PIK3C3: variants seen among roughly 807,000 people sequenced by gnomAD.
The protein encoded by PIK3C3 is phosphatidylinositol 3-kinase catalytic subunit type 3.
Under a neutral mutation model 126.1 loss-of-function variants are expected in PIK3C3, and 95 were observed. The ratio of observed to expected loss-of-function variants is 0.75; its 90% CI spans 0.64 to 0.89. PIK3C3 has a LOEUF of 0.89. Ranked by LOEUF, PIK3C3 falls within the 40% of genes least tolerant of loss-of-function variation. The pLI is 0.00. For synonymous variants in PIK3C3, 374 were observed against 360.0 expected (o/e 1.04, Z -0.44); for missense variants, 829 against 1,063.2 (o/e 0.78, Z 3.06).
rs141481378 is a variant in PIK3C3, at chr18:41,970,403, C to T, written c.478C>T (p.Pro160Ser). Reference sequence around the variant, plus strand: ...AGATGGATCAGAACCCACAAAAACTCCTGGCAGAACAAGTAGCACTCTCTC... The same window carrying T: ...AGATGGATCAGAACCCACAAAAACTTCTGGCAGAACAAGTAGCACTCTCTC... ...EADGSEPTKT[P>S]GRTSSTLSED... Residue 160 changes from proline to serine, a missense_variant, in exon 4 of 25, where the codon CCT (proline) becomes TCT (serine). By Grantham distance (74) the Pro-to-Ser change is moderately conservative (BLOSUM62 -1). This residue lies in a region of PIK3C3 where 313 missense variants were observed against 340.7 expected (regional missense o/e 0.92). Coordinates refer to ENST00000262039, the MANE Select transcript of PIK3C3 (RefSeq NM_002647.4). 1.9e-6 allele frequency: 3 copies of T among 1,613,720 alleles called. No individual in the cohort carries two copies. In the African/African-American group the frequency reaches 4.0e-5, roughly 22 times the overall value.
intron 16 of PIK3C3, 54 bp downstream of exon 16, chr18:42,034,011 A>G: frequency 2.3e-6 from 3 of 1,277,318 alleles, no homozygotes; most frequent in Non-Finnish European, 3.2e-6. Flanking sequence ...CTTAAGCTAG[A>G]TCAGAGATAC....
chr18:42,044,608 G>A (rs1301586667), intron 20 of PIK3C3, among the ~76,000 whole-genome samples: 6 of 152,052 alleles, frequency 3.9e-5, no homozygotes, highest in Non-Finnish European at 8.8e-5. Flanking sequence ...TGTAGAAACA[G>A]GGTTATGGCA....
chr18:42,066,418 A>G (rs903485809), intron 23 of PIK3C3, among the ~76,000 whole-genome samples: 1 of 151,784 alleles, frequency 6.6e-6, no homozygotes, highest in Non-Finnish European at 1.5e-5. Flanking sequence ...TGGAATCCCC[A>G]TTTTCTCCTA....
At chr18:42,009,553 A>C (rs1262457457) in intron 10 of PIK3C3, among the ~76,000 whole-genome samples, 1 of 152,124 alleles carries the variant, frequency 6.6e-6, no homozygotes, top group Non-Finnish European at 1.5e-5. Flanking sequence ...CTGTATGTTT[A>C]TATAGTAAAT....
chr18:42,085,657 T>G lies in PIK3C3; in HGVS notation c.*4520T>G, dbSNP rs1986383601. ...GGTCTAATTTTACCAAATAACCCCC[T>G]AAATAAGAAGTCTGATTTATCTAAA... On this transcript the variant is annotated 3_prime_UTR_variant, in exon 25 of 25. Coordinates refer to ENST00000262039, the MANE Select transcript of PIK3C3 (RefSeq NM_002647.4). 1 of 152,190 alleles carries G rather than the reference T, an allele frequency of 6.6e-6. No individual in the cohort carries two copies. Among genetic ancestry groups the G allele is most frequent in the Non-Finnish European group, 1.5e-5 (1 of 68,014 alleles). The allele number at this position is 152,190 out of a possible 1,614,324, so 9.4% of individuals were successfully genotyped here.
At chr18:42,062,269 C>T (rs1253452828) in intron 22 of PIK3C3, among the ~76,000 whole-genome samples, 19 of 147,826 alleles carry the variant, frequency 1.3e-4, no homozygotes, top group Admixed American at 4.1e-4. Context: ...TATGTAACAG[C>T]GGATTGTACG....
intron 19 of PIK3C3, 62 bp downstream of exon 19, chr18:42,040,803 T>G: frequency 9.1e-7 from 1 of 1,095,664 alleles, no homozygotes; most frequent in Non-Finnish European, 1.4e-6. Flanking sequence ...AAATTCAGTC[T>G]TTATAACATA....
chr18:41,987,508 CT>C (rs1430248958), intron 4 of PIK3C3, among the ~76,000 whole-genome samples: 1 of 152,000 alleles, frequency 6.6e-6, no homozygotes, highest in African/African-American at 2.4e-5. Flanking sequence ...ATAATTTCAT[CT>C]CTTTGTAATA....
At chr18:41,976,756 A>G (rs1470691921) in intron 4 of PIK3C3, among the ~76,000 whole-genome samples, 1 of 152,224 alleles carries the variant, frequency 6.6e-6, no homozygotes, top group African/African-American at 2.4e-5. Flanking sequence ...TGTTGTTATT[A>G]CTTTTTTTAC....
At chr18:41,955,508 G>C in intron 1 of PIK3C3, 149 bp downstream of exon 1, 2 of 643,012 alleles carry the variant, frequency 3.1e-6, no homozygotes, top group Admixed American at 2.8e-5. Flanking sequence ...AGGGAGGCGC[G>C]AGAGAGTGGA....
In PIK3C3 at chr18:42,029,295, A is replaced by G. The variant is rs746197661; in HGVS notation, c.1591-30A>G. ...AATCCAGATCATTACGCAACATAGAACTAATTTTTTCTCACTTTGAACCCT... is the reference window on the plus strand; with the variant it reads ...AATCCAGATCATTACGCAACATAGAGCTAATTTTTTCTCACTTTGAACCCT... On this transcript the variant is annotated intron_variant, in intron 14 of 24. Coordinates refer to ENST00000262039, the MANE Select transcript of PIK3C3 (RefSeq NM_002647.4). 8 of 1,343,188 alleles carry G rather than the reference A, an allele frequency of 6.0e-6. No homozygotes were observed. In the Admixed American group the frequency reaches 1.0e-4, roughly 17 times the overall value. 83.2% of individuals were successfully genotyped at this position (1,343,188 alleles called of 1,614,324 possible). A position where few individuals can be genotyped will look rare whatever the true frequency, so the allele number is the denominator to read the frequency against.
chr18:41,993,413 C>A, intron 7 of PIK3C3, 72 bp downstream of exon 7: 2 of 974,136 alleles, frequency 2.1e-6, no homozygotes, highest in Non-Finnish European at 3.2e-6. Flanking sequence ...ACATCATGTA[C>A]TTTCTTTAAA....
intron 9 of PIK3C3, among the ~76,000 whole-genome samples, chr18:42,000,199 G>A (rs1266387398): frequency 2.6e-5 from 4 of 152,126 alleles, no homozygotes; most frequent in East Asian, 1.9e-4. Flanking sequence ...GATTGCAGGC[G>A]TGCACCACCA....
intron 17 of PIK3C3, 71 bp from the exon 18 acceptor site, chr18:42,038,710 C>T (rs565130079): frequency 3.3e-6 from 3 of 911,086 alleles, no homozygotes; most frequent in Non-Finnish European, 5.3e-6. Flanking sequence ...AACTGCTATA[C>T]TATTTGCCCA....
intron 3 of PIK3C3, 93 bp from the exon 4 acceptor site, chr18:41,970,234 T>A (rs944220375): frequency 2.9e-6 from 3 of 1,037,150 alleles, no homozygotes; most frequent in African/African-American, 3.2e-5. Flanking sequence ...TACATTTCCA[T>A]GTATAGAATT....
Position 42,076,160 on chromosome 18 carries a change from A to G in PIK3C3, c.2650-4963A>G, listed in dbSNP as rs868123181. On this transcript the variant is annotated intron_variant, in intron 24 of 24. Coordinates refer to ENST00000262039, the MANE Select transcript of PIK3C3 (RefSeq NM_002647.4). ...TATATATATGCGCATATATATATAT[A>G]TGCACATATATATATATGCACATAT... is the stretch of plus-strand genomic sequence containing the variant. Among the ~76,000 whole-genome samples the G allele has an allele frequency of 4.7e-3, 481 of 102,432 alleles. 26 individuals are homozygous for G. Among genetic ancestry groups the G allele is most frequent in the African/African-American group, 0.021 (390 of 18,398 alleles). The allele number at this position is 102,432 out of a possible 152,430, so 67.2% of individuals were successfully genotyped here.
chr18:42,043,754 C>G lies in PIK3C3; in HGVS notation c.2125C>G (p.Pro709Ala). 6.2e-6 allele frequency: 10 copies of G among 1,611,728 alleles called. No homozygotes were observed. Among genetic ancestry groups the G allele is most frequent in the Non-Finnish European group, 8.5e-6 (10 of 1,178,128 alleles). ...TCAGAACTTTTTTAGAAAATATGCACCAAGTGAGAATGGGCCAAATGGGAT... is the reference window on the plus strand; with the variant it reads ...TCAGAACTTTTTTAGAAAATATGCAGCAAGTGAGAATGGGCCAAATGGGAT... ...SIQNFFRKYA[P>A]SENGPNGISA... Residue 709 changes from proline to alanine, a missense_variant, in exon 20 of 25, where the codon CCA (proline) becomes GCA (alanine). Pro to Ala is a conservative substitution (Grantham distance 27). Around this residue, in one of 4 missense-constraint regions of PIK3C3, gnomAD observed 196 missense variants for 312.8 expected, o/e 0.63. Coordinates refer to ENST00000262039, the MANE Select transcript of PIK3C3 (RefSeq NM_002647.4).
At chr18:42,038,741 C>T in intron 17 of PIK3C3, 40 bp from the exon 18 acceptor site, 1 of 1,279,968 alleles carries the variant, frequency 7.8e-7, no homozygotes, top group Non-Finnish European at 1.1e-6. Context: ...TTTTAACAGT[C>T]TTTACATTTG....
chr18:41,977,979 G>A (rs905354851), intron 4 of PIK3C3, among the ~76,000 whole-genome samples: 2 of 151,810 alleles, frequency 1.3e-5, no homozygotes, highest in African/African-American at 2.4e-5. Context: ...TGTTTGTTTT[G>A]GGGACAGGGT....
Sources: allele counts gnomAD v4.1 joint callset (sites outside exome capture counted in the v4.1 genomes callset), GRCh38; gene constraint gnomAD v4.1.1; regional missense constraint gnomAD v4.1.1; transcripts MANE v1.5; gene names NCBI Gene and HGNC (gene_info 2026-07-23, HGNC 2026-07-21).